PCDH11X: variants seen among roughly 807,000 people sequenced by gnomAD.
PCDH11X encodes protocadherin 11 X-linked.
PCDH11X carries 18 observed loss-of-function variants against 53.3 expected under a neutral mutation model. The observed-to-expected ratio is 0.34, with a 90% CI of 0.23 to 0.50. PCDH11X has a LOEUF of 0.50. Among genes scored for constraint, PCDH11X ranks in the 20% least tolerant of loss-of-function variants. The probability of loss-of-function intolerance (pLI) is 0.98; values close to 1 mark genes in which losing one functional copy is unlikely to be tolerated. For missense variants in PCDH11X, 570 were observed against 1,032.4 expected, an observed-to-expected ratio of 0.55 and a Z score of 6.14; for synonymous variants, 279 against 393.3, an observed-to-expected ratio of 0.71 and a Z score of 3.44.
At chrX:92,517,298 T>C (rs1042232569) in intron 10 of PCDH11X, among the ~76,000 whole-genome samples, 1 of 111,995 alleles carries the variant, frequency 8.9e-6, no homozygotes, top group African/African-American at 3.2e-5. Context: ...AAATGTGAGT[T>C]GGAATTGCAT....
intron 6 of PCDH11X, among the ~76,000 whole-genome samples, chrX:92,060,111 C>T (rs1446766701): frequency 1.8e-5 from 2 of 109,545 alleles, no homozygotes; most frequent in African/African-American, 3.3e-5. Context: ...TTGCTTGGCA[C>T]TTTGAGAAAA....
chrX:91,791,963 G>A (rs1319200756), intron 1 of PCDH11X, among the ~76,000 whole-genome samples: 3 of 104,744 alleles, frequency 2.9e-5, no homozygotes, highest in Non-Finnish European at 3.9e-5. Context: ...CCGGGTTCAC[G>A]CCATTCTCCT....
chrX:92,248,854 A>C (rs754785048), intron 7 of PCDH11X, among the ~76,000 whole-genome samples: 40 of 109,697 alleles, frequency 3.6e-4, no homozygotes, highest in African/African-American at 1.2e-3. Context: ...GGCGCCCATC[A>C]CCATGCCCGG....
chrX:91,851,034 T>A lies in PCDH11X; in HGVS notation c.540+14990T>A, dbSNP rs779402422. Among the ~76,000 whole-genome samples, 382 of 109,721 alleles carry A rather than the reference T, an allele frequency of 3.5e-3. 1 individual carries two copies. The highest frequency in any genetic ancestry group is 0.012 in the African/African-American group (365 of 30,238). ...GGATGAAGATCAGCTTCCTGGTAGA[T>A]TACAAAGTAGTGATAATTCTGCTTT... On this transcript the variant is annotated intron_variant, in intron 5 of 10. Coordinates refer to ENST00000682573, the MANE Select transcript of PCDH11X (RefSeq NM_032968.5).
intron 9 of PCDH11X, among the ~76,000 whole-genome samples, chrX:92,400,916 T>C (rs1447320679): frequency 9.5e-6 from 1 of 105,691 alleles, no homozygotes; most frequent in African/African-American, 3.4e-5. Context: ...TGTGTTTTCA[T>C]CTCTCACACT....
chrX:91,917,569 CAAAAAAA>C (rs59199030), intron 6 of PCDH11X, among the ~76,000 whole-genome samples: 8 of 15,891 alleles, frequency 5.0e-4, no homozygotes, highest in African/African-American at 1.9e-3. Context: ...ACAGCAGCTG[CAAAAAAA>C]AAAAAAAAAA....
intron 8 of PCDH11X, among the ~76,000 whole-genome samples, chrX:92,340,029 G>A (rs1280810017): frequency 1.8e-5 from 2 of 111,525 alleles, no homozygotes; most frequent in Admixed American, 1.9e-4. Flanking sequence ...ACCAGCATTG[G>A]GTAAACATTC....
intron 6 of PCDH11X, among the ~76,000 whole-genome samples, chrX:91,893,013 A>G (rs992395798): frequency 1.5e-4 from 17 of 109,808 alleles, no homozygotes; most frequent in African/African-American, 5.6e-4. Flanking sequence ...ACCTGATTTT[A>G]TTAAAAATGA....
In PCDH11X at chrX:92,563,097, C is replaced by T. The variant is rs368135826; in HGVS notation, c.3368-55167C>T. ...TTTTTTTTTTGTGAAATAGCTGACA[C>T]TGGGAAATTTATAAAGTAAAAAGGT... On this transcript the variant is annotated intron_variant, in intron 10 of 10. Coordinates refer to ENST00000682573, the MANE Select transcript of PCDH11X (RefSeq NM_032968.5). 1.0e-3 allele frequency among the ~76,000 whole-genome samples: 64 copies of T among 61,691 alleles called. 2 individuals are homozygous for T. The East Asian group carries it at 0.039, about 38-fold the overall frequency. The allele number at this position is 61,691 out of a possible 115,157, so 53.6% of individuals were successfully genotyped here. A position where few individuals can be genotyped will look rare whatever the true frequency, so the allele number is the denominator to read the frequency against.
intron 6 of PCDH11X, among the ~76,000 whole-genome samples, chrX:92,112,067 A>G (rs1310368800): frequency 2.9e-5 from 3 of 102,767 alleles, no homozygotes; most frequent in African/African-American, 1.1e-4. Flanking sequence ...TCTAATGCTC[A>G]TTTTTCTAAA....
At chrX:92,284,172 T>C (rs2068309968) in intron 8 of PCDH11X, among the ~76,000 whole-genome samples, 1 of 110,324 alleles carries the variant, frequency 9.1e-6, no homozygotes, top group Non-Finnish European at 1.9e-5. Flanking sequence ...CCTACGTATG[T>C]AAATTTAGTG....
At chrX:92,432,828 C>T (rs1029333625) in intron 9 of PCDH11X, among the ~76,000 whole-genome samples, 10 of 108,216 alleles carry the variant, frequency 9.2e-5, no homozygotes, top group South Asian at 4.1e-4. Context: ...ACAAAATCCA[C>T]AGGAAAACCT....
chrX:92,349,799 T>C (rs1344358861), intron 8 of PCDH11X, among the ~76,000 whole-genome samples: 2 of 110,929 alleles, frequency 1.8e-5, no homozygotes, highest in Non-Finnish European at 3.8e-5. Flanking sequence ...TACTATAAAA[T>C]AGGCTTTGTA....
At chrX:92,129,263 C>G (rs58602978) in intron 6 of PCDH11X, among the ~76,000 whole-genome samples, 1 of 109,935 alleles carries the variant, frequency 9.1e-6, no homozygotes, top group Non-Finnish European at 1.9e-5. Flanking sequence ...TGGTGGTGCA[C>G]GCCTGTAATA....
intron 10 of PCDH11X, among the ~76,000 whole-genome samples, chrX:92,503,705 A>G (rs1241615720): frequency 4.6e-5 from 5 of 109,425 alleles, no homozygotes; most frequent in African/African-American, 1.3e-4. Flanking sequence ...GTGGGTAACA[A>G]CACACACTGG....
intron 9 of PCDH11X, among the ~76,000 whole-genome samples, chrX:92,423,279 T>A (rs2072020761): frequency 1.0e-5 from 1 of 98,235 alleles, no homozygotes; most frequent in Non-Finnish European, 2.3e-5. Context: ...TTATCTTCTT[T>A]TGAGAATTGT....
At chrX:92,320,394 A>ATCTC (rs900271744) in intron 8 of PCDH11X, among the ~76,000 whole-genome samples, 1 of 109,008 alleles carries the variant, frequency 9.2e-6, no homozygotes, top group African/African-American at 3.3e-5. Flanking sequence ...TGATCTCATG[A>ATCTC]TCTCTCTCTC....
chrX:91,931,645 A>G (rs2061385917), intron 6 of PCDH11X, among the ~76,000 whole-genome samples: 1 of 109,942 alleles, frequency 9.1e-6, no homozygotes, highest in Admixed American at 9.7e-5. Context: ...AAAGAAACAC[A>G]GTATTTTAGA....
intron 8 of PCDH11X, among the ~76,000 whole-genome samples, chrX:92,289,774 A>G (rs1451650511): frequency 9.0e-6 from 1 of 110,881 alleles, no homozygotes; most frequent in Non-Finnish European, 1.9e-5. Context: ...AGCATAATTT[A>G]TTACACAGAC....
Sources: gnomAD v4.1 joint callset for allele counts (sites outside exome capture counted in the v4.1 genomes callset) on GRCh38, gnomAD v4.1.1 for gene constraint, MANE v1.5 for transcripts, NCBI Gene and HGNC (gene_info 2026-07-23, HGNC 2026-07-21) for gene names.